SRGAP3: variants seen among roughly 807,000 people sequenced by gnomAD.
The protein encoded by SRGAP3 is SLIT-ROBO Rho GTPase-activating protein 3.
Under a neutral mutation model 121.1 loss-of-function variants are expected in SRGAP3, and 39 were observed. The ratio of observed to expected loss-of-function variants is 0.32; its 90% CI spans 0.25 to 0.42. The LOEUF (loss-of-function observed/expected upper bound fraction) is 0.42. SRGAP3 is among the 10% of genes least tolerant of loss of function. The pLI, the probability that SRGAP3 is intolerant of heterozygous loss-of-function variation, is 1.00. For missense variants in SRGAP3, 1,213 were observed against 1,470.6 expected, an observed-to-expected ratio of 0.82 and a Z score of 2.86; for synonymous variants, 601 against 570.0, an observed-to-expected ratio of 1.05 and a Z score of -0.77.
intron 1 of SRGAP3, among the ~76,000 whole-genome samples, chr3:9,340,284 A>C (rs1004030024): frequency 1.3e-5 from 2 of 152,220 alleles, no homozygotes; most frequent in African/African-American, 4.8e-5. Flanking sequence ...CAAAGAGCTC[A>C]TGATTTCCCT....
chr3:9,209,585 T>C (rs745997054), intron 1 of SRGAP3, among the ~76,000 whole-genome samples: 1 of 152,220 alleles, frequency 6.6e-6, no homozygotes, highest in East Asian at 1.9e-4. Context: ...TATTGAAATT[T>C]CAAAGGTTTA....
Position 9,218,980 on chromosome 3 carries a change from T to A in SRGAP3, c.67+29905A>T, listed in dbSNP as rs1016923065. Among the ~76,000 whole-genome samples, 1 of 152,080 alleles carries A rather than the reference T, an allele frequency of 6.6e-6. No homozygotes were observed. Among genetic ancestry groups the A allele is most frequent in the Admixed American group, 6.6e-5 (1 of 15,266 alleles). On this transcript the variant is annotated intron_variant, in intron 1 of 21. Coordinates refer to ENST00000383836, the MANE Select transcript of SRGAP3 (RefSeq NM_014850.4). The surrounding 1 kb of genome is among the most constrained non-coding windows in gnomAD (Gnocchi z 5.3). ...GAGCCACTGCGCCCAGCCTATTTTA[T>A]CTTATCTTATTTTATTTTTATTTTA...
intron 3 of SRGAP3, among the ~76,000 whole-genome samples, chr3:9,305,196 G>A (rs1350288106): frequency 1.3e-5 from 2 of 152,136 alleles, no homozygotes; most frequent in East Asian, 3.9e-4. Flanking sequence ...GAAGAGAGAA[G>A]GGGAGGAAGG....
chr3:9,257,847 G>A (rs1027702813), intron 3 of SRGAP3, among the ~76,000 whole-genome samples: 11 of 151,754 alleles, frequency 7.2e-5, no homozygotes, highest in Admixed American at 3.3e-4. Flanking sequence ...TGGGATTACA[G>A]GCACCCACGA....
chr3:9,326,784 C>A (rs1955527314), intron 2 of SRGAP3, among the ~76,000 whole-genome samples: 1 of 151,580 alleles, frequency 6.6e-6, no homozygotes, highest in Admixed American at 6.6e-5. Flanking sequence ...GTTAAAATAC[C>A]AAAGGTTTAA....
At chr3:8,993,581 T>A (rs993619748) in intron 19 of SRGAP3, among the ~76,000 whole-genome samples, 1 of 152,210 alleles carries the variant, frequency 6.6e-6, no homozygotes, top group African/African-American at 2.4e-5. Flanking sequence ...TGTGGTGACT[T>A]GTCCCTGATC....
At chr3:9,173,209 G>C (rs1416937956) in intron 1 of SRGAP3, among the ~76,000 whole-genome samples, 1 of 152,204 alleles carries the variant, frequency 6.6e-6, no homozygotes, top group Non-Finnish European at 1.5e-5. Flanking sequence ...AGGCCGAATG[G>C]AGCAGCACTG....
chr3:9,315,918 C>T (rs1955337006), intron 3 of SRGAP3, among the ~76,000 whole-genome samples: 1 of 152,202 alleles, frequency 6.6e-6, no homozygotes, highest in Admixed American at 6.5e-5. Flanking sequence ...ATTATAAAAA[C>T]CCATCTCAAT....
intron 1 of SRGAP3, among the ~76,000 whole-genome samples, chr3:9,247,656 GC>G (rs1953871676): frequency 6.6e-6 from 1 of 152,196 alleles, no homozygotes; most frequent in Non-Finnish European, 1.5e-5. Context: ...ACCTCAGGTT[GC>G]TTGAGCCCCA....
At chr3:9,187,315 G>T (rs1053472191) in intron 1 of SRGAP3, among the ~76,000 whole-genome samples, 1 of 152,146 alleles carries the variant, frequency 6.6e-6, no homozygotes, top group Non-Finnish European at 1.5e-5. Context: ...TGCAGAGAGG[G>T]GGTACAGTCA....
intron 1 of SRGAP3, among the ~76,000 whole-genome samples, chr3:9,219,832 C>T (rs536041453): frequency 6.6e-6 from 1 of 152,070 alleles, no homozygotes; most frequent in East Asian, 1.9e-4. Context: ...GCCTGGGCGA[C>T]AGAGTACAAA....
chr3:9,297,729 C>T (rs760902419), intron 3 of SRGAP3, among the ~76,000 whole-genome samples: 3 of 151,974 alleles, frequency 2.0e-5, no homozygotes, highest in Non-Finnish European at 2.9e-5. Context: ...AACCCCATCT[C>T]TACTAAAAAT....
chr3:9,136,446 CCGGGGTGG>C (rs1949667465), intron 1 of SRGAP3, among the ~76,000 whole-genome samples: 1 of 151,320 alleles, frequency 6.6e-6, no homozygotes. Context: ...CGTGCAGCAG[CCGGGGTGG>C]CTGAAAGCGG....
chr3:9,278,574 G>A (rs7617660), intron 3 of SRGAP3, among the ~76,000 whole-genome samples: 4 of 152,288 alleles, frequency 2.6e-5, no homozygotes, highest in East Asian at 3.9e-4. Context: ...TGTATGTCAC[G>A]AGAAAGTGCT....
intron 3 of SRGAP3, among the ~76,000 whole-genome samples, chr3:9,285,988 C>A (rs965044475): frequency 2.0e-5 from 3 of 151,756 alleles, no homozygotes; most frequent in Non-Finnish European, 4.4e-5. Context: ...TGACGTGCAC[C>A]TGTAGTCCCA....
At chr3:9,306,369 T>C (rs1272170522) in intron 3 of SRGAP3, among the ~76,000 whole-genome samples, 1 of 152,224 alleles carries the variant, frequency 6.6e-6, no homozygotes, top group African/African-American at 2.4e-5. Context: ...AGGTTGCCTG[T>C]TCACTCTGAT....
At position 8,981,326 on chromosome 3, in the gene SRGAP3, C is replaced by G. The variant is rs1319742257; in HGVS notation, c.*4193G>C. On this transcript the variant is annotated 3_prime_UTR_variant, in exon 22 of 22. Transcript: ENST00000383836. ...CGGCTCACCCCTTTCTGCCTTTCCTCCTGGCCGCCACCCCGACTCCCAGCC... is the reference window on the plus strand; with the variant it reads ...CGGCTCACCCCTTTCTGCCTTTCCTGCTGGCCGCCACCCCGACTCCCAGCC... The G allele has an allele frequency of 1.3e-5, 3 of 232,976 alleles. No homozygotes were observed. The highest frequency in any genetic ancestry group is 2.2e-5 in the African/African-American group (1 of 45,328). The allele number at this position is 232,976 out of a possible 1,614,324, so 14.4% of individuals were successfully genotyped here.
intron 1 of SRGAP3, among the ~76,000 whole-genome samples, chr3:9,157,218 G>A (rs143583217): frequency 3.3e-5 from 5 of 152,286 alleles, no homozygotes; most frequent in East Asian, 1.9e-4. Flanking sequence ...GCAGAAGGGC[G>A]AAGGGGAAGC....
At chr3:9,115,326 T>C (rs1398429261) in intron 2 of SRGAP3, among the ~76,000 whole-genome samples, 1 of 152,260 alleles carries the variant, frequency 6.6e-6, no homozygotes, top group East Asian at 1.9e-4. Context: ...CCTAATAGAA[T>C]AGCATCAAAA....
Sources: gnomAD v4.1 joint callset for allele counts (sites outside exome capture counted in the v4.1 genomes callset) on GRCh38, gnomAD v4.1.1 for gene constraint, Gnocchi (gnomAD v3.1) non-coding constraint, MANE v1.5 for transcripts, NCBI Gene and HGNC (gene_info 2026-07-23, HGNC 2026-07-21) for gene names.